The following KMT2C variants were observed in gnomAD, a reference collection of about 807,000 sequenced individuals.
KMT2C encodes lysine methyltransferase 2C, also known as histone-lysine N-methyltransferase 2C.
A neutral mutation model predicts 507.9 loss-of-function variants in KMT2C; 88 were observed. That is an observed-to-expected ratio of 0.17 (90% CI 0.15 to 0.21). The LOEUF is 0.21. KMT2C is among the 10% of genes least tolerant of loss of function. The pLI, the probability that KMT2C is intolerant of heterozygous loss-of-function variation, is 1.00. For missense variants in KMT2C, 4,954 were observed against 5,957.8 expected, an observed-to-expected ratio of 0.83 and a Z score of 5.55; for synonymous variants, 2,049 against 2,080.8, an observed-to-expected ratio of 0.98 and a Z score of 0.42.
intron 23 of KMT2C, among the ~76,000 whole-genome samples, chr7:152,219,298 C>T (rs1029857305): frequency 3.9e-5 from 6 of 152,100 alleles, no homozygotes; most frequent in Non-Finnish European, 7.4e-5. Context: ...TTTATTTTTA[C>T]CATGGGACTT....
intron 31 of KMT2C, among the ~76,000 whole-genome samples, chr7:152,188,269 A>G (rs1434640945): frequency 6.6e-6 from 1 of 152,178 alleles, no homozygotes; most frequent in Non-Finnish European, 1.5e-5. Flanking sequence ...ATTATTGTGT[A>G]CTAGAAATAG....
chr7:152,181,556 G>T lies in KMT2C; in HGVS notation c.6304C>A (p.His2102Asn). The T allele has an allele frequency of 6.2e-7, 1 of 1,614,072 alleles. No homozygotes were observed. Among genetic ancestry groups the T allele is most frequent in the Middle Eastern group, 1.6e-4 (1 of 6,062 alleles). Residue 2102 changes from histidine (H) to asparagine (N), a missense_variant, in exon 36 of 59, where the codon CAT becomes AAT. Coordinates refer to ENST00000262189, the MANE Select transcript of KMT2C (RefSeq NM_170606.3). ...GCAAAAGATTCATTCACTGCTGGAT[G>T]TGGGGTAAGGGGAGGCTGACTATAT... ...DPYSQPPLTP[H>N]PAVNESFAHP...
rs2129095150 is a variant in KMT2C, at chr7:152,148,369, C to T, written c.13558G>A (p.Ala4520Thr). 6.2e-7 allele frequency: 1 copy of T among 1,614,254 alleles called. No homozygotes were observed. Among genetic ancestry groups the T allele is most frequent in the Non-Finnish European group, 8.5e-7 (1 of 1,180,050 alleles). Reference protein sequence around the residue: ...GIHEQELSYFAVFRRVYVQRD... With the variant: ...GIHEQELSYFTVFRRVYVQRD... ...TGAACATAGACCCTCCTGAAGACTG[C>T]AAAGTAACTTAATTCTTGCTCATGA... The change falls in exon 52 of 59, where the codon GCA becomes ACA. Residue 4520 changes from alanine (A) to threonine (T), a missense_variant. Ala to Thr is a moderately conservative substitution (Grantham distance 58). Around this residue, in one of 29 missense-constraint regions of KMT2C, gnomAD observed 221 missense variants for 304.7 expected, o/e 0.73. Coordinates refer to ENST00000262189, the MANE Select transcript of KMT2C (RefSeq NM_170606.3). This position sits in a 1 kb window ranked among gnomAD's most constrained non-coding sequence, Gnocchi z 7.1.
At chr7:152,286,630 C>T (rs79993925) in intron 6 of KMT2C, among the ~76,000 whole-genome samples, 1 of 150,478 alleles carries the variant, frequency 6.6e-6, no homozygotes, top group African/African-American at 2.4e-5. Flanking sequence ...AGAAAATGTA[C>T]TTTTCCCTGT....
intron 1 of KMT2C, among the ~76,000 whole-genome samples, chr7:152,364,990 T>C (rs552422101): frequency 5.0e-4 from 76 of 151,748 alleles, no homozygotes; most frequent in Non-Finnish European, 1.0e-3. Flanking sequence ...AGGTACTTTA[T>C]AGTCAAATTG....
intron 56 of KMT2C, 124 bp downstream of exon 56, chr7:152,139,551 G>A: frequency 1.4e-6 from 1 of 708,794 alleles, no homozygotes; most frequent in Non-Finnish European, 2.5e-6. Flanking sequence ...TACAGATATG[G>A]CTTTTGTTTA....
At chr7:152,290,309 TTTTTTTTTTTTTTTTG>T (rs2096405495) in intron 6 of KMT2C, among the ~76,000 whole-genome samples, 2 of 92,038 alleles carry the variant, frequency 2.2e-5, no homozygotes, top group African/African-American at 9.6e-5. Context: ...TTTTTTTTTT[TTTTTTTTTTTTTTTTG>T]TCTGAGATGG....
At chr7:152,205,309 G>A in intron 24 of KMT2C, 84 bp from the exon 25 acceptor site, 1 of 827,978 alleles carries the variant, frequency 1.2e-6, no homozygotes, top group South Asian at 2.1e-5. Flanking sequence ...GCTTTATCTT[G>A]AATAGTAAGT....
At chr7:152,195,383 A>G in intron 28 of KMT2C, 1 of 210,412 alleles carries the variant, frequency 4.8e-6, no homozygotes, top group Non-Finnish European at 8.2e-6. Flanking sequence ...ACACACAAAA[A>G]GGGAAAAGCA....
chr7:152,366,761 G>A, intron 1 of KMT2C: 1 of 199,264 alleles, frequency 5.0e-6, no homozygotes, highest in South Asian at 1.5e-4. Context: ...GGCCGGGCGG[G>A]ATGTAACCAG....
intron 18 of KMT2C, among the ~76,000 whole-genome samples, 189 bp downstream of exon 18, chr7:152,229,734 T>C (rs2095050434): frequency 6.6e-6 from 1 of 152,186 alleles, no homozygotes; most frequent in Non-Finnish European, 1.5e-5. Flanking sequence ...TATTGTACAA[T>C]ATAAGATTTA....
intron 1 of KMT2C, among the ~76,000 whole-genome samples, chr7:152,409,804 T>G (rs75771368): frequency 2.7e-5 from 4 of 148,324 alleles, no homozygotes; most frequent in East Asian, 3.9e-4. Flanking sequence ...ATTTCTTGGG[T>G]TTTTTTTTAA....
At chr7:152,146,260 T>C (rs1242091593) in intron 53 of KMT2C, among the ~76,000 whole-genome samples, 1 of 152,116 alleles carries the variant, frequency 6.6e-6, no homozygotes, top group African/African-American at 2.4e-5. Flanking sequence ...CACACTGACA[T>C]TCTGAGGTGG....
intron 6 of KMT2C, among the ~76,000 whole-genome samples, chr7:152,304,623 G>A (rs2096599146): frequency 6.6e-6 from 1 of 152,182 alleles, no homozygotes; most frequent in Non-Finnish European, 1.5e-5. Flanking sequence ...TGAAGGGGCA[G>A]GTTAAGTGTT....
intron 23 of KMT2C, among the ~76,000 whole-genome samples, chr7:152,219,125 G>A (rs2094683472): frequency 6.6e-6 from 1 of 151,876 alleles, no homozygotes; most frequent in South Asian, 2.1e-4. Flanking sequence ...GCATGCCACT[G>A]AGCCCGGCTA....
In KMT2C at chr7:152,180,105, T is replaced by G. The variant is rs764371373; in HGVS notation, c.7171A>C (p.Ile2391Leu). 1.4e-5 allele frequency: 23 copies of G among 1,614,022 alleles called. No individual in the cohort carries two copies. In the East Asian group the frequency reaches 4.0e-4, roughly 28 times the overall value. ...TTCTTCTGCTGTTGCTGCTGGAGAATGATTTCACGTAACTTCTGCCGCTAA... is the reference window on the plus strand; with the variant it reads ...TTCTTCTGCTGTTGCTGCTGGAGAAGGATTTCACGTAACTTCTGCCGCTAA... Reference protein sequence around the residue: ...LRQRQKLREIILQQQQQKKIA... With the variant: ...LRQRQKLREILLQQQQQKKIA... The change falls in exon 37 of 59, where the codon ATT becomes CTT. Residue 2391 changes from isoleucine to leucine, a missense_variant. Ile to Leu is a conservative substitution (Grantham distance 5). Transcript: ENST00000262189.
intron 8 of KMT2C, 76 bp downstream of exon 8, chr7:152,264,962 A>G (rs2129173245): frequency 6.6e-7 from 1 of 1,526,640 alleles, no homozygotes; most frequent in East Asian, 2.3e-5. Context: ...CTATTATATT[A>G]CACAAACCTT....
intron 1 of KMT2C, among the ~76,000 whole-genome samples, chr7:152,361,436 G>A (rs993397574): frequency 3.3e-5 from 5 of 151,972 alleles, no homozygotes; most frequent in Admixed American, 1.3e-4. Flanking sequence ...GGTAGTGGGC[G>A]CCTGTAGTCC....
chr7:152,355,709 G>A (rs1224414398), intron 2 of KMT2C, among the ~76,000 whole-genome samples: 1 of 152,122 alleles, frequency 6.6e-6, no homozygotes, highest in African/African-American at 2.4e-5. Flanking sequence ...GGCAATATGA[G>A]ATCATTACAT....
Sources: allele counts gnomAD v4.1 joint callset (sites outside exome capture counted in the v4.1 genomes callset), GRCh38; gene constraint gnomAD v4.1.1; regional missense constraint gnomAD v4.1.1; non-coding constraint Gnocchi (gnomAD v3.1); transcripts MANE v1.5; gene names NCBI Gene and HGNC (gene_info 2026-07-23, HGNC 2026-07-21).